Variants in TRAP1 observed in about 807,000 individuals in gnomAD.
The protein encoded by TRAP1 is heat shock protein 75 kDa, mitochondrial.
Under a neutral mutation model 89.1 loss-of-function variants are expected in TRAP1, and 102 were observed. That is an observed-to-expected ratio of 1.15 (90% CI 0.98 to 1.35). The LOEUF (loss-of-function observed/expected upper bound fraction) is 1.35, where lower values mean the gene tolerates loss of function less well. Ranked by LOEUF, TRAP1 falls within the 40% of genes most tolerant of loss-of-function variation. TRAP1 has a pLI of 0.00. For synonymous variants in TRAP1, 508 were observed against 388.0 expected (o/e 1.31, Z -3.64); for missense variants, 1,256 against 945.3 (o/e 1.33, Z -4.31).
At chr16:3,702,185 G>C (rs148665237) in intron 1 of TRAP1, among the ~76,000 whole-genome samples, 2 of 150,042 alleles carry the variant, frequency 1.3e-5, no homozygotes, top group Admixed American at 6.6e-5. Flanking sequence ...TCGATGTTGA[G>C]GTCACTTGAA....
chr16:3,705,929 G>T (rs555431298), intron 1 of TRAP1, among the ~76,000 whole-genome samples: 1 of 151,720 alleles, frequency 6.6e-6, no homozygotes, highest in Non-Finnish European at 1.5e-5. Context: ...CTGACCTCAG[G>T]TGATCGGCCC....
intron 1 of TRAP1, among the ~76,000 whole-genome samples, chr16:3,696,724 A>T (rs114539840): frequency 6.9e-6 from 1 of 145,628 alleles, no homozygotes; most frequent in African/African-American, 2.6e-5. Context: ...CTCCTAGCTA[A>T]TTTTTTTTTT....
chr16:3,704,467 G>A (rs923318062), intron 1 of TRAP1: 2 of 152,216 alleles, frequency 1.3e-5, no homozygotes, highest in Non-Finnish European at 2.9e-5. Flanking sequence ...AAAAGTTAGT[G>A]TACATAAATA....
chr16:3,663,908 C>G, intron 13 of TRAP1: 1 of 353,454 alleles, frequency 2.8e-6, no homozygotes, highest in Non-Finnish European at 5.2e-6. Context: ...ATTAAAAATA[C>G]AAAAATTTGC....
intron 16 of TRAP1, chr16:3,660,068 G>A (rs1238186837): frequency 6.6e-6 from 1 of 152,186 alleles, no homozygotes; most frequent in Non-Finnish European, 1.5e-5. Flanking sequence ...CACATTTCTA[G>A]TCTACGTAGC....
chr16:3,717,444 G>A lies in TRAP1; in HGVS notation c.65C>T (p.Pro22Leu), dbSNP rs758384182. ...ACCTCCCGGCACGGCCGCCAGCGCC[G>A]GCGCCCGCAGCAAAGGCCGCAGGCG... The part of the protein sequence containing the change: ...GRRLRPLLRA[P>L]ALAAVPGGKP... Residue 22 changes from proline (P) to leucine (L), a missense_variant, in exon 1 of 18, where the codon CCG (proline) becomes CTG (leucine). Coordinates refer to ENST00000246957, the MANE Select transcript of TRAP1 (RefSeq NM_016292.3). 1.6e-6 allele frequency: 2 copies of A among 1,273,882 alleles called. No homozygotes were observed. The highest frequency in any genetic ancestry group is 2.0e-6 in the Non-Finnish European group (2 of 1,016,624). The allele number at this position is 1,273,882 out of a possible 1,614,324, so 78.9% of individuals were successfully genotyped here. A position where few individuals can be genotyped will look rare whatever the true frequency, so the allele number is the denominator to read the frequency against.
intron 4 of TRAP1, among the ~76,000 whole-genome samples, chr16:3,683,861 G>A (rs2051104667): frequency 6.6e-6 from 1 of 151,700 alleles, no homozygotes; most frequent in African/African-American, 2.4e-5. Flanking sequence ...CCCGCACAAT[G>A]TGATTTTAAA....
At position 3,679,749 on chromosome 16, in the gene TRAP1, G is replaced by T; in HGVS notation, c.513C>A (p.Asn171Lys). ...IGMTQEELVS[N>K]LGTIARSGSK... is the part of the protein sequence containing the mutation. ...ACCCCGATCTGGCAATCGTCCCCAGGTTGGACACCAGCTCTTCCTGTGTCA... is the reference window on the plus strand; with the variant it reads ...ACCCCGATCTGGCAATCGTCCCCAGTTTGGACACCAGCTCTTCCTGTGTCA... Residue 171 changes from asparagine (N) to lysine (K), a missense_variant, in exon 5 of 18, where the codon AAC (asparagine) becomes AAA (lysine). Asn to Lys is a moderately conservative substitution (Grantham distance 94). Transcript: ENST00000246957. 2 of 1,614,122 alleles carry T rather than the reference G, an allele frequency of 1.2e-6. No individual in the cohort carries two copies. Among genetic ancestry groups the T allele is most frequent in the Non-Finnish European group, 1.7e-6 (2 of 1,180,020 alleles).
chr16:3,698,314 A>G (rs1020373409), intron 1 of TRAP1, among the ~76,000 whole-genome samples: 31 of 151,202 alleles, frequency 2.1e-4, no homozygotes, highest in Non-Finnish European at 4.4e-4. Flanking sequence ...ACTTTCCACA[A>G]CAACTTTTTT....
intron 11 of TRAP1, among the ~76,000 whole-genome samples, chr16:3,668,391 T>A (rs975244318): frequency 6.6e-6 from 1 of 152,180 alleles, no homozygotes; most frequent in East Asian, 1.9e-4. Flanking sequence ...AATAAATGAA[T>A]GTATTGAGAG....
intron 4 of TRAP1, among the ~76,000 whole-genome samples, chr16:3,681,687 T>C (rs2151262187): frequency 6.6e-6 from 1 of 152,330 alleles, no homozygotes; most frequent in Admixed American, 6.5e-5. Context: ...AAGTGTTTAA[T>C]ACATCAGAAA....
At chr16:3,663,194 A>G in intron 14 of TRAP1, 1 of 671,642 alleles carries the variant, frequency 1.5e-6, no homozygotes, top group Non-Finnish European at 2.5e-6. Flanking sequence ...CCTCTCAAGA[A>G]GCTGGGCCAG....
At position 3,675,367 on chromosome 16, in the gene TRAP1, C is replaced by G; in HGVS notation, c.845G>C (p.Ser282Thr). The G allele has an allele frequency of 6.2e-7, 1 of 1,614,126 alleles. No individual in the cohort carries two copies. The highest frequency in any genetic ancestry group is 8.5e-7 in the Non-Finnish European group (1 of 1,179,976). Residue 282 changes from serine to threonine, a missense_variant, in exon 8 of 18, where the codon AGC becomes ACC. Ser to Thr is a moderately conservative substitution (Grantham distance 58). Coordinates refer to ENST00000246957, the MANE Select transcript of TRAP1 (RefSeq NM_016292.3). The stretch of plus-strand genomic sequence containing the variant: ...CCTTCCATTCAAGTACAAGGGGAAG[C>G]TGACGAAGTTGCTGTACTTCGTTAC... ...DVVTKYSNFVSFPLYLNGRRM... is the reference protein window; with the variant it reads ...DVVTKYSNFVTFPLYLNGRRM...
Position 3,679,726 on chromosome 16 carries a change from C to A in TRAP1, c.536G>T (p.Gly179Val). 3 of 1,614,102 alleles carry A rather than the reference C, an allele frequency of 1.9e-6. No individual in the cohort carries two copies. The highest frequency in any genetic ancestry group is 2.5e-6 in the Non-Finnish European group (3 of 1,180,010). Residue 179 changes from glycine to valine, a missense_variant, in exon 5 of 18, where the codon GGG becomes GTG. Gly to Val is a moderately radical substitution (Grantham distance 109). Transcript: ENST00000246957. ...TGGGGGCCCCACGCTTACCTTTGAC[C>A]CCGATCTGGCAATCGTCCCCAGGTT... ...VSNLGTIARS[G>V]SKAFLDALQN...
chr16:3,661,855 C>G, intron 16 of TRAP1, 132 bp downstream of exon 16: 1 of 1,221,570 alleles, frequency 8.2e-7, no homozygotes, highest in South Asian at 1.7e-5. Context: ...CTGCATACAG[C>G]TCCTTATAGT....
At chr16:3,717,247 G>A (rs1053331022) in intron 1 of TRAP1, among the ~76,000 whole-genome samples, 174 bp downstream of exon 1, 1 of 152,238 alleles carries the variant, frequency 6.6e-6, no homozygotes, top group Non-Finnish European at 1.5e-5. Flanking sequence ...AGGCAGCCAA[G>A]CTGGAGCTGG....
At chr16:3,663,125 G>C in intron 14 of TRAP1, 158 bp from the exon 15 acceptor site, 1 of 683,496 alleles carries the variant, frequency 1.5e-6, no homozygotes, top group East Asian at 2.7e-5. Context: ...AACCTCAAAG[G>C]ATGCTTCAGG....
intron 11 of TRAP1, among the ~76,000 whole-genome samples, chr16:3,670,382 CA>C (rs760902038): frequency 0.021 from 486 of 22,810 alleles, 3 homozygotes; most frequent in Non-Finnish European, 0.034. Flanking sequence ...GACTCCGTCT[CA>C]AAAAAAAAAA....
intron 1 of TRAP1, among the ~76,000 whole-genome samples, chr16:3,700,491 C>T (rs1188047284): frequency 6.8e-6 from 1 of 147,954 alleles, no homozygotes; most frequent in Non-Finnish European, 1.5e-5. Context: ...GTTTGAGATG[C>T]AGTCTCACTC....
Sources: gnomAD v4.1 joint callset for allele counts (sites outside exome capture counted in the v4.1 genomes callset) on GRCh38, gnomAD v4.1.1 for gene constraint, MANE v1.5 for transcripts, NCBI Gene and HGNC (gene_info 2026-07-23, HGNC 2026-07-21) for gene names.